ZNF618: variants seen among roughly 807,000 people sequenced by gnomAD.
ZNF618 encodes neural precursor cell expressed, developmentally down-regulated 10.
In ZNF618, 34 loss-of-function variants were observed where a neutral mutation model predicts 103.0. The observed-to-expected ratio is 0.33, with a 90% CI of 0.25 to 0.44. The LOEUF (loss-of-function observed/expected upper bound fraction) is 0.44. ZNF618 is among the 20% of genes least tolerant of loss of function. The pLI is 1.00. For missense variants in ZNF618, 1,059 were observed against 1,295.4 expected (o/e 0.82, Z 2.80); for synonymous variants, 551 against 542.2 (o/e 1.02, Z -0.23).
At chr9:114,022,013 T>G (rs1185091977) in intron 10 of ZNF618, among the ~76,000 whole-genome samples, 1 of 152,174 alleles carries the variant, frequency 6.6e-6, no homozygotes, top group Non-Finnish European at 1.5e-5. Flanking sequence ...TTAGAGTATT[T>G]CTGGCTAGAG....
At chr9:114,040,363 A>G (rs1172706800) in intron 13 of ZNF618, among the ~76,000 whole-genome samples, 3 of 150,716 alleles carry the variant, frequency 2.0e-5, no homozygotes, top group African/African-American at 7.3e-5. Flanking sequence ...TTGTACTTTA[A>G]GTTCTAGGGT....
rs538415356 is a variant in ZNF618 at position 113,986,542 on chromosome 9, C to T, written c.78-1779C>T. ...GGGCTGCCTCCTGGCTGTAGAGGGT[C>T]GCCCTGTCACTGTGTCCTCACGTGG... is the stretch of plus-strand genomic sequence containing the variant. On this transcript the variant is annotated intron_variant, in intron 2 of 14. Coordinates refer to ENST00000374126, the MANE Select transcript of ZNF618 (RefSeq NM_001318042.2). Among the ~76,000 whole-genome samples, 42 of 152,310 alleles carry T rather than the reference C, an allele frequency of 2.8e-4. No homozygotes were observed. The South Asian group carries it at 8.1e-3, about 29-fold the overall frequency.
intron 1 of ZNF618, 92 bp from the exon 2 acceptor site, chr9:113,969,025 C>A: frequency 7.0e-7 from 1 of 1,428,416 alleles, no homozygotes. Flanking sequence ...AGTGTGAAGG[C>A]TGGTATTCAG....
intron 1 of ZNF618, among the ~76,000 whole-genome samples, chr9:113,880,569 A>T (rs114258617): frequency 0.014 from 2,071 of 152,320 alleles, 41 homozygotes; most frequent in African/African-American, 0.046. Context: ...TGTACCTCTT[A>T]GTTACCATTC....
intron 1 of ZNF618, among the ~76,000 whole-genome samples, chr9:113,958,994 A>G (rs922912203): frequency 2.0e-5 from 3 of 152,364 alleles, no homozygotes; most frequent in Admixed American, 2.0e-4. Flanking sequence ...TCTTCAACAT[A>G]AAAAGTGTTT....
intron 1 of ZNF618, among the ~76,000 whole-genome samples, chr9:113,910,823 C>CTTTTTCTT (rs1183014449): frequency 2.6e-5 from 4 of 151,090 alleles, no homozygotes; most frequent in African/African-American, 9.7e-5. Context: ...GAACTTTCTG[C>CTTTTTCTT]TTTTTCTTTT....
chr9:114,016,810 G>A (rs1842682558), intron 10 of ZNF618, 26 bp downstream of exon 10: 2 of 1,586,094 alleles, frequency 1.3e-6, no homozygotes, highest in Non-Finnish European at 1.7e-6. Context: ...CGGTAGGGAT[G>A]GGGGTTGGGG....
intron 3 of ZNF618, among the ~76,000 whole-genome samples, chr9:113,995,475 G>T (rs1379617457): frequency 6.6e-6 from 1 of 152,208 alleles, no homozygotes; most frequent in South Asian, 2.1e-4. Flanking sequence ...GCTAGAAGGA[G>T]ACAAGATTCG....
intron 4 of ZNF618, among the ~76,000 whole-genome samples, chr9:113,999,877 T>C (rs1307282042): frequency 6.6e-6 from 1 of 152,024 alleles, no homozygotes; most frequent in Non-Finnish European, 1.5e-5. Context: ...TCTTCACTGG[T>C]TGAAGGGGAA....
At chr9:113,956,026 A>T (rs1389667318) in intron 1 of ZNF618, among the ~76,000 whole-genome samples, 3 of 151,954 alleles carry the variant, frequency 2.0e-5, no homozygotes, top group Non-Finnish European at 4.4e-5. Context: ...CCTGACCAAC[A>T]TGGTGAAACC....
intron 3 of ZNF618, among the ~76,000 whole-genome samples, chr9:113,990,206 T>C (rs189493638): frequency 8.5e-5 from 13 of 152,346 alleles, no homozygotes; most frequent in Non-Finnish European, 1.9e-4. Context: ...TGATCTCTTC[T>C]GGTGAGAGTG....
chr9:113,886,533 C>A (rs10120883), intron 1 of ZNF618, among the ~76,000 whole-genome samples: 92,376 of 151,832 alleles, frequency 0.61, 28,420 homozygotes, highest in East Asian at 0.67. Context: ...TAACTATAAA[C>A]ATTTAATTGT....
At chr9:113,975,488 C>CT (rs1181073563) in intron 2 of ZNF618, among the ~76,000 whole-genome samples, 1 of 152,164 alleles carries the variant, frequency 6.6e-6, no homozygotes, top group Non-Finnish European at 1.5e-5. Context: ...ACGCAATTTC[C>CT]TTTGCACAAA....
In ZNF618 at chr9:113,902,597, T is replaced by A. The variant is rs186006702; in HGVS notation, c.33+26184T>A. Among the ~76,000 whole-genome samples, 94 of 152,358 alleles carry A rather than the reference T, an allele frequency of 6.2e-4. No homozygotes were observed. In the East Asian group the frequency reaches 0.014, roughly 23 times the overall value. On this transcript the variant is annotated intron_variant, in intron 1 of 14. Transcript: ENST00000374126. ...ATGCTTTAAAAATTTACATAAATAA[T>A]ACAGTGTTTGAATCTCATTCTGTTT...
At chr9:114,004,572 G>T (rs375265131) in intron 6 of ZNF618, among the ~76,000 whole-genome samples, 2 of 152,290 alleles carry the variant, frequency 1.3e-5, no homozygotes, top group Admixed American at 6.5e-5. Context: ...GCTCTGTAGC[G>T]GGGGTATTTT....
At chr9:114,007,496 C>T (rs1001894120) in intron 7 of ZNF618, 57 bp downstream of exon 7, 8 of 1,541,670 alleles carry the variant, frequency 5.2e-6, no homozygotes, top group Middle Eastern at 1.8e-4. Flanking sequence ...TCCTTGGAGA[C>T]ACCAGCCCCC....
At position 113,942,258 on chromosome 9, in the gene ZNF618, T is replaced by G. The variant is rs1834625611; in HGVS notation, c.34-26859T>G. Reference sequence around the variant, plus strand: ...AGGTAATAGTTCTCCTTTTTTTTTTTTTTAAATTTCACACAGAGGAGTGGC... The same window carrying G: ...AGGTAATAGTTCTCCTTTTTTTTTTGTTTAAATTTCACACAGAGGAGTGGC... On this transcript the variant is annotated intron_variant, in intron 1 of 14. Coordinates refer to ENST00000374126, the MANE Select transcript of ZNF618 (RefSeq NM_001318042.2). 3.9e-5 allele frequency among the ~76,000 whole-genome samples: 6 copies of G among 152,234 alleles called. No individual in the cohort carries two copies. The South Asian group carries it at 1.2e-3, about 32-fold the overall frequency.
In ZNF618 at chr9:113,880,660, AAGAATAGACT is replaced by A. The variant is rs548860598; in HGVS notation, c.33+4254_33+4263del. Among the ~76,000 whole-genome samples, 101 of 152,040 alleles carry A rather than the reference AAGAATAGACT, an allele frequency of 6.6e-4. 1 individual carries two copies. In the South Asian group the frequency reaches 0.021, roughly 32 times the overall value. On this transcript the variant is annotated intron_variant, in intron 1 of 14. Transcript: ENST00000374126. ...ATCACAATCAGAATTTTTTAAAAAC[AAGAATAGACT>A]AGAATATAGGGGAACAAAAAATAGC... is the stretch of plus-strand genomic sequence containing the variant.
Position 113,941,041 on chromosome 9 carries a change from T to C in ZNF618, c.34-28076T>C, listed in dbSNP as rs140504695. On this transcript the variant is annotated intron_variant, in intron 1 of 14. Transcript: ENST00000374126. ...TTTATTCCCCTCTTTTCTTTCTTTA[T>C]CTTCTTTTTCTTCCTCTCCTTTCTG... 2.9e-3 allele frequency among the ~76,000 whole-genome samples: 435 copies of C among 152,218 alleles called. 2 individuals carry two copies. The highest frequency in any genetic ancestry group is 0.01 in the African/African-American group (417 of 41,552).
Sources: gnomAD v4.1 joint callset for allele counts (sites outside exome capture counted in the v4.1 genomes callset) on GRCh38, gnomAD v4.1.1 for gene constraint, MANE v1.5 for transcripts, NCBI Gene and HGNC (gene_info 2026-07-23, HGNC 2026-07-21) for gene names.